TAFA4: variants seen among roughly 807,000 people sequenced by gnomAD.
TAFA4 encodes chemokine-like protein TAFA-4.
In TAFA4, 20 loss-of-function variants were observed where a neutral mutation model predicts 21.1. That is an observed-to-expected ratio of 0.95 (90% confidence interval 0.67 to 1.38). The LOEUF (loss-of-function observed/expected upper bound fraction) is 1.38. TAFA4 is among the 40% of genes most tolerant of loss of function. The pLI is 0.00. For synonymous variants in TAFA4, 71 were observed against 67.4 expected, an observed-to-expected ratio of 1.05 and a Z score of -0.26; for missense variants, 211 against 180.9, an observed-to-expected ratio of 1.17 and a Z score of -0.95.
chr3:68,865,944 C>G (rs1193077107), intron 3 of TAFA4, among the ~76,000 whole-genome samples: 1 of 152,086 alleles, frequency 6.6e-6, no homozygotes, highest in Non-Finnish European at 1.5e-5. Flanking sequence ...CAAAAAAATT[C>G]ACCCAGATTT....
intron 4 of TAFA4, among the ~76,000 whole-genome samples, chr3:68,744,201 G>A (rs1232760124): frequency 6.6e-6 from 1 of 152,194 alleles, no homozygotes; most frequent in Non-Finnish European, 1.5e-5. Flanking sequence ...GTCTTGACAG[G>A]TGGCCAGAGG....
intron 3 of TAFA4, among the ~76,000 whole-genome samples, chr3:68,768,443 A>G (rs2106778596): frequency 6.6e-6 from 1 of 152,302 alleles, no homozygotes; most frequent in African/African-American, 2.4e-5. Flanking sequence ...AAAAAGACAA[A>G]AAATAACAAA....
intron 3 of TAFA4, among the ~76,000 whole-genome samples, chr3:68,776,605 A>G (rs573358376): frequency 3.9e-5 from 6 of 152,302 alleles, no homozygotes; most frequent in Admixed American, 3.9e-4. Context: ...AAATAACTAG[A>G]CAATATTAAC....
chr3:68,793,940 A>T (rs1357176718), intron 3 of TAFA4, among the ~76,000 whole-genome samples: 1 of 152,226 alleles, frequency 6.6e-6, no homozygotes, highest in Admixed American at 6.5e-5. Context: ...AAGCTGTTCC[A>T]CGTACAACAC....
intron 3 of TAFA4, among the ~76,000 whole-genome samples, chr3:68,798,967 G>C (rs946510822): frequency 6.6e-6 from 1 of 152,148 alleles, no homozygotes; most frequent in Admixed American, 6.5e-5. Flanking sequence ...ACTGCAATCT[G>C]TTTTATTGTA....
intron 4 of TAFA4, among the ~76,000 whole-genome samples, chr3:68,741,522 C>T (rs909826917): frequency 8.5e-5 from 13 of 152,084 alleles, no homozygotes; most frequent in African/African-American, 2.7e-4. Context: ...TGGCCGGGTG[C>T]CGTGACTCAT....
intron 3 of TAFA4, among the ~76,000 whole-genome samples, chr3:68,877,128 G>A (rs747532632): frequency 1.3e-5 from 2 of 152,084 alleles, no homozygotes; most frequent in African/African-American, 2.4e-5. Context: ...GGAGGCCGAG[G>A]TGGGTGGATC....
chr3:68,904,230 AAGTT>A (rs760602939), intron 1 of TAFA4, among the ~76,000 whole-genome samples: 15 of 152,216 alleles, frequency 9.9e-5, no homozygotes, highest in Non-Finnish European at 2.2e-4. Context: ...GCACCTCTGA[AAGTT>A]AGCCCACAAT....
At chr3:68,840,991 T>C (rs1704648783) in intron 3 of TAFA4, among the ~76,000 whole-genome samples, 1 of 152,152 alleles carries the variant, frequency 6.6e-6, no homozygotes, top group Admixed American at 6.5e-5. Flanking sequence ...TGTGCAAAAA[T>C]CTAACATCAT....
chr3:68,863,158 C>T (rs1216608050), intron 3 of TAFA4, among the ~76,000 whole-genome samples: 1 of 151,756 alleles, frequency 6.6e-6, no homozygotes, highest in Non-Finnish European at 1.5e-5. Flanking sequence ...GGGAGGATCA[C>T]TTGAGCCCGG....
At chr3:68,859,523 G>A (rs1478826501) in intron 3 of TAFA4, among the ~76,000 whole-genome samples, 4 of 152,168 alleles carry the variant, frequency 2.6e-5, no homozygotes, top group African/African-American at 9.6e-5. Context: ...TTAATCAGCT[G>A]TAAATGTACA....
At chr3:68,916,959 C>T (rs535392162) in intron 1 of TAFA4, among the ~76,000 whole-genome samples, 1 of 152,266 alleles carries the variant, frequency 6.6e-6, no homozygotes, top group South Asian at 2.1e-4. Flanking sequence ...AAAACATAGT[C>T]CTGATTCTGT....
At chr3:68,925,277 T>C (rs1394595655) in intron 1 of TAFA4, among the ~76,000 whole-genome samples, 1 of 152,176 alleles carries the variant, frequency 6.6e-6, no homozygotes, top group East Asian at 1.9e-4. Context: ...GCTGCGACTC[T>C]GATGTGAAGC....
chr3:68,745,430 G>C (rs772170231), intron 4 of TAFA4, among the ~76,000 whole-genome samples: 1 of 151,982 alleles, frequency 6.6e-6, no homozygotes, highest in African/African-American at 2.4e-5. Context: ...AATAAAATTC[G>C]TTTAAAAGCC....
chr3:68,766,762 G>A (rs574483004), intron 3 of TAFA4, among the ~76,000 whole-genome samples: 2 of 151,440 alleles, frequency 1.3e-5, no homozygotes, highest in East Asian at 2.0e-4. Flanking sequence ...CCAGAAACAC[G>A]GGATGAAGAG....
chr3:68,830,495 GT>G (rs1195589944), intron 3 of TAFA4, among the ~76,000 whole-genome samples: 15 of 152,214 alleles, frequency 9.9e-5, no homozygotes, highest in Non-Finnish European at 1.6e-4. Flanking sequence ...TAGTTGTGCA[GT>G]TTTGAGTGAG....
chr3:68,853,704 A>T (rs1197947029), intron 3 of TAFA4, among the ~76,000 whole-genome samples: 2 of 152,172 alleles, frequency 1.3e-5, no homozygotes, highest in Non-Finnish European at 2.9e-5. Flanking sequence ...TGTCTGCTAG[A>T]GGCAAAGAAA....
chr3:68,917,949 G>T (rs578166604), intron 1 of TAFA4, among the ~76,000 whole-genome samples: 1 of 151,982 alleles, frequency 6.6e-6, no homozygotes, highest in Non-Finnish European at 1.5e-5. Flanking sequence ...GATAATGTGC[G>T]TTTATACAAT....
chr3:68,866,875 T>C (rs2089427596), intron 3 of TAFA4, among the ~76,000 whole-genome samples: 2 of 150,852 alleles, frequency 1.3e-5, no homozygotes, highest in Non-Finnish European at 3.0e-5. Context: ...ACAGTCAGAA[T>C]AGAAAAAATA....
Sources: allele counts gnomAD v4.1 joint callset (sites outside exome capture counted in the v4.1 genomes callset), GRCh38; gene constraint gnomAD v4.1.1; transcripts MANE v1.5; gene names NCBI Gene and HGNC (gene_info 2026-07-23, HGNC 2026-07-21).